The following LINGO2 variants were observed in gnomAD, a reference collection of about 807,000 sequenced individuals.
LINGO2 encodes the protein leucine-rich repeat and immunoglobulin-like domain-containing nogo receptor-interacting protein 2.
Under a neutral mutation model 30.6 loss-of-function variants are expected in LINGO2, and 14 were observed. The observed-to-expected ratio is 0.46, with a 90% CI of 0.30 to 0.72. The LOEUF (loss-of-function observed/expected upper bound fraction) is 0.72. Ranked by LOEUF, LINGO2 falls within the 30% of genes least tolerant of loss-of-function variation. The pLI, the probability that LINGO2 is intolerant of heterozygous loss-of-function variation, is 0.07. For synonymous variants in LINGO2, 317 were observed against 288.5 expected (o/e 1.10, Z -1.00); for missense variants, 729 against 751.7 (o/e 0.97, Z 0.35).
At chr9:29,142,230 A>G in the LINGO2 span, among the ~76,000 whole-genome samples, 2 of 151,884 alleles carry the variant, frequency 1.3e-5, no homozygotes, top group Admixed American at 1.3e-4. Context: ...GTAGAATAAA[A>G]CTAAAAATCA....
At chr9:27,959,221 T>C (rs1033366944) in intron 5 of LINGO2, among the ~76,000 whole-genome samples, 1 of 149,402 alleles carries the variant, frequency 6.7e-6, no homozygotes, top group Non-Finnish European at 1.5e-5. Flanking sequence ...AAGGACCAAC[T>C]TTTGCTTGTA....
chr9:28,163,812 T>G (rs967473374), intron 4 of LINGO2, among the ~76,000 whole-genome samples: 1 of 152,184 alleles, frequency 6.6e-6, no homozygotes, highest in Non-Finnish European at 1.5e-5. Context: ...AGATCCAACT[T>G]GCCTATTTAC....
intron 4 of LINGO2, among the ~76,000 whole-genome samples, chr9:28,146,710 T>A (rs1827823299): frequency 6.6e-6 from 1 of 152,190 alleles, no homozygotes; most frequent in Non-Finnish European, 1.5e-5. Flanking sequence ...CTCTTGGGCA[T>A]AAGAAAACCT....
At chr9:28,937,721 G>T in the LINGO2 span, among the ~76,000 whole-genome samples, 2 of 152,152 alleles carry the variant, frequency 1.3e-5, no homozygotes. Flanking sequence ...CTTTGCATCT[G>T]TGGGTTCTGG....
intron 4 of LINGO2, among the ~76,000 whole-genome samples, chr9:28,049,511 G>A (rs371817061): frequency 6.0e-5 from 9 of 150,542 alleles, no homozygotes; most frequent in Non-Finnish European, 1.2e-4. Flanking sequence ...ATGAAGGTAG[G>A]AAATAGCATG....
the LINGO2 span, among the ~76,000 whole-genome samples, chr9:28,849,826 G>T: frequency 6.6e-6 from 1 of 151,886 alleles, no homozygotes; most frequent in Non-Finnish European, 1.5e-5. Flanking sequence ...GTCACTCCTG[G>T]GTTAAGCTGG....
intron 4 of LINGO2, among the ~76,000 whole-genome samples, chr9:28,194,547 T>A: frequency 1.7e-5 from 2 of 118,366 alleles, no homozygotes; most frequent in Non-Finnish European, 1.7e-5. Context: ...AGCTAAGACC[T>A]AAACTCTCTA....
At chr9:28,671,788 G>GT (rs1445901187), upstream of LINGO2, among the ~76,000 whole-genome samples, 1 of 151,662 alleles carries the variant, frequency 6.6e-6, no homozygotes, top group African/African-American at 2.4e-5. Context: ...TAAAATAAGA[G>GT]TTAAAAAAAA....
At chr9:27,994,265 C>T (rs1053381938) in intron 5 of LINGO2, among the ~76,000 whole-genome samples, 10 of 151,592 alleles carry the variant, frequency 6.6e-5, no homozygotes, top group Non-Finnish European at 4.4e-5. Context: ...ACAAACCAAA[C>T]CCGAAATTAG....
the LINGO2 span, among the ~76,000 whole-genome samples, chr9:29,197,829 C>T: frequency 2.0e-5 from 3 of 151,988 alleles, no homozygotes; most frequent in African/African-American, 4.8e-5. Context: ...CAGTAACTGA[C>T]AGCAACAGTT....
chr9:28,262,368 G>A (rs907427330), intron 4 of LINGO2, among the ~76,000 whole-genome samples: 8 of 151,810 alleles, frequency 5.3e-5, no homozygotes, highest in Admixed American at 6.6e-5. Context: ...ATGACACAGA[G>A]AAGAGAAATG....
chr9:28,751,819 C>T, the LINGO2 span, among the ~76,000 whole-genome samples: 129,628 of 151,886 alleles, frequency 0.85, 56,930 homozygotes, highest in Non-Finnish European at 0.96. Context: ...TCCACCTGGC[C>T]ATCACATCAC....
At chr9:28,446,920 A>G (rs1206927435) in intron 2 of LINGO2, among the ~76,000 whole-genome samples, 1 of 152,232 alleles carries the variant, frequency 6.6e-6, no homozygotes, top group Non-Finnish European at 1.5e-5. Context: ...TCTGCCCTGC[A>G]GTCACACTGG....
chr9:28,332,865 A>G (rs1825470788), intron 3 of LINGO2, among the ~76,000 whole-genome samples: 1 of 152,090 alleles, frequency 6.6e-6, no homozygotes, highest in Non-Finnish European at 1.5e-5. Flanking sequence ...CAGCGTGGGG[A>G]TGGGGGCTGA....
exon 4 of LINGO2, chr9:28,295,346 A>G (rs998169543): frequency 6.6e-6 from 1 of 152,634 alleles, no homozygotes; most frequent in Admixed American, 6.5e-5. Context: ...GAGTCCCACA[A>G]GCCAACTGCT....
intron 1 of LINGO2, among the ~76,000 whole-genome samples, chr9:28,585,729 T>C (rs1488651094): frequency 6.6e-6 from 1 of 152,034 alleles, no homozygotes. Flanking sequence ...TCGTCGTAAG[T>C]TGAGAAGCAT....
At chr9:28,435,087 A>C (rs1366641975) in intron 2 of LINGO2, among the ~76,000 whole-genome samples, 8 of 152,144 alleles carry the variant, frequency 5.3e-5, no homozygotes, top group Non-Finnish European at 1.5e-5. Flanking sequence ...TGTCACTGGT[A>C]ATTTTTTATA....
the LINGO2 span, among the ~76,000 whole-genome samples, chr9:28,959,764 T>C: frequency 6.6e-6 from 1 of 152,010 alleles, no homozygotes; most frequent in African/African-American, 2.4e-5. Flanking sequence ...TTCCAGGCAA[T>C]TTTCAAGGCC....
chr9:28,211,069 G>A (rs1251045298), intron 4 of LINGO2, among the ~76,000 whole-genome samples: 1 of 151,418 alleles, frequency 6.6e-6, no homozygotes, highest in Non-Finnish European at 1.5e-5. Flanking sequence ...TCTTAATTCT[G>A]TTCTAAATCA....
Sources: allele counts gnomAD v4.1 joint callset (sites outside exome capture counted in the v4.1 genomes callset), GRCh38; gene constraint gnomAD v4.1.1; transcripts MANE v1.5; gene names NCBI Gene and HGNC (gene_info 2026-07-23, HGNC 2026-07-21).